The following GPR108 variants were observed in gnomAD, a reference collection of about 807,000 sequenced individuals.
The protein encoded by GPR108 is G protein-coupled receptor 108, also known as protein GPR108.
GPR108 carries 60 observed loss-of-function variants against 74.3 expected under a neutral mutation model. The ratio of observed to expected loss-of-function variants is 0.81; its 90% CI spans 0.66 to 1.00. GPR108 has a LOEUF of 1.00. Ranked by LOEUF, GPR108 falls within the 50% of genes least tolerant of loss-of-function variation. GPR108 has a pLI of 0.00. For missense variants in GPR108, 667 were observed against 703.3 expected, an observed-to-expected ratio of 0.95 and a Z score of 0.58; for synonymous variants, 311 against 292.4, an observed-to-expected ratio of 1.06 and a Z score of -0.65.
At chr19:6,730,557 G>C in intron 17 of GPR108, 173 bp from the exon 18 acceptor site, 1 of 622,186 alleles carries the variant, frequency 1.6e-6, no homozygotes, top group Non-Finnish European at 2.9e-6. Context: ...CAGCAGCGCA[G>C]GCCCTACCCT....
Position 6,731,880 on chromosome 19 carries a change from C to T in GPR108, c.1300+11G>A, listed in dbSNP as rs369951101. 91 of 1,611,538 alleles carry T rather than the reference C, an allele frequency of 5.6e-5. No homozygotes were observed. The African/African-American group carries it at 9.9e-4, about 17-fold the overall frequency. On this transcript the variant is annotated intron_variant, in intron 14 of 17. Transcript: ENST00000264080. ...GCCATGAGCAGAGGGCCTGCAGGCG[C>T]AGGGCCTCACCCTTCCCGTCTGTGC...
rs1968341670 is a variant in GPR108 at position 6,730,401 on chromosome 19, A to T, written c.1560-17T>A. 6.2e-7 allele frequency: 1 copy of T among 1,610,662 alleles called. No homozygotes were observed. Among genetic ancestry groups the T allele is most frequent in the Non-Finnish European group, 8.5e-7 (1 of 1,178,258 alleles). On this transcript the variant is annotated splice_polypyrimidine_tract_variant and intron_variant, in intron 17 of 17. Coordinates refer to ENST00000264080, the MANE Select transcript of GPR108 (RefSeq NM_001080452.2). The stretch of plus-strand genomic sequence containing the variant: ...TCCGTCATTCTGGGGGCAGACAGCG[A>T]GGAGGCGTCTAGCGTTGCAGGGCAG...
At chr19:6,731,674 G>A (rs1159533177) in intron 14 of GPR108, 152 bp from the exon 15 acceptor site, 15 of 832,868 alleles carry the variant, frequency 1.8e-5, no homozygotes, top group African/African-American at 3.5e-5. Flanking sequence ...GCAGAAAGGC[G>A]GAAGGGGGAG....
intron 4 of GPR108, among the ~76,000 whole-genome samples, chr19:6,734,687 G>A (rs935436661): frequency 2.6e-5 from 4 of 152,094 alleles, no homozygotes; most frequent in South Asian, 2.1e-4. Context: ...AACCACAGGC[G>A]CACACCATCA....
In GPR108 at chr19:6,732,009, G is replaced by A. The variant is rs762870777; in HGVS notation, c.1256+16C>T. ...GTGCACAGGGCAGAGCCTCAGCCCG[G>A]GGGCAGGGTCCTCACCAGACTACGG... On this transcript the variant is annotated intron_variant, in intron 13 of 17. Transcript: ENST00000264080. 6.2e-7 allele frequency: 1 copy of A among 1,613,588 alleles called. No homozygotes were observed. Among genetic ancestry groups the A allele is most frequent in the Non-Finnish European group, 8.5e-7 (1 of 1,179,954 alleles).
chr19:6,732,020 C>T lies in GPR108; in HGVS notation c.1256+5G>A. 6.2e-7 allele frequency: 1 copy of T among 1,613,844 alleles called. No individual in the cohort carries two copies. The stretch of plus-strand genomic sequence containing the variant: ...AGAGCCTCAGCCCGGGGGCAGGGTC[C>T]TCACCAGACTACGGGGAACAGGATG... On this transcript the variant is annotated splice_donor_5th_base_variant and intron_variant, in intron 13 of 17. Coordinates refer to ENST00000264080, the MANE Select transcript of GPR108 (RefSeq NM_001080452.2).
intron 4 of GPR108, 54 bp from the exon 5 acceptor site, chr19:6,734,361 C>A: frequency 6.3e-7 from 1 of 1,583,666 alleles, no homozygotes; most frequent in Admixed American, 1.7e-5. Flanking sequence ...TTGGCTCAGG[C>A]ACCGGCAAAG....
intron 4 of GPR108, 169 bp downstream of exon 4, chr19:6,735,453 G>A (rs1968595730): frequency 1.6e-6 from 1 of 621,514 alleles, no homozygotes; most frequent in Non-Finnish European, 2.9e-6. Flanking sequence ...CACCCGCGGA[G>A]TCCCTCTCTC....
chr19:6,733,236 G>A lies in GPR108; in HGVS notation c.789C>T (p.Leu263=), dbSNP rs1175663461. The part of the protein sequence containing the change: ...LSAAEMPLFK[L]YMVMSACFLA... ...GGAAGCAGGCGGACATGACCATGTA[G>A]AGCTTGAAAAGGGGCATCTCCGCTG... is the stretch of plus-strand genomic sequence containing the variant. Residue 263 remains leucine (L), a synonymous_variant, in exon 9 of 18, where the codon CTC becomes CTT. Coordinates refer to ENST00000264080, the MANE Select transcript of GPR108 (RefSeq NM_001080452.2). 6.2e-7 allele frequency: 1 copy of A among 1,614,028 alleles called. No homozygotes were observed. Among genetic ancestry groups the A allele is most frequent in the South Asian group, 1.1e-5 (1 of 91,090 alleles).
At position 6,732,161 on chromosome 19, in the gene GPR108, C is replaced by G. The variant is rs1968438551; in HGVS notation, c.1126-6G>C. 6.2e-7 allele frequency: 1 copy of G among 1,613,270 alleles called. No homozygotes were observed. The highest frequency in any genetic ancestry group is 1.3e-5 in the African/African-American group (1 of 74,938). ...TAGGCCACGTTGGCCAGGACCTGCG[C>G]AGGCGGCGGGGGTGGGTGGGCACTG... On this transcript the variant is annotated splice_region_variant and splice_polypyrimidine_tract_variant and intron_variant, in intron 12 of 17. Coordinates refer to ENST00000264080, the MANE Select transcript of GPR108 (RefSeq NM_001080452.2).
In GPR108 at chr19:6,732,027, G is replaced by A. The variant is rs1225894829; in HGVS notation, c.1254C>T (p.Val418=). 4 of 1,613,944 alleles carry A rather than the reference G, an allele frequency of 2.5e-6. No homozygotes were observed. The highest frequency in any genetic ancestry group is 2.2e-5 in the South Asian group (2 of 91,084). The change falls in exon 13 of 18, where the codon GTC becomes GTT. Residue 418 remains valine, a splice_region_variant and synonymous_variant. Coordinates refer to ENST00000264080, the MANE Select transcript of GPR108 (RefSeq NM_001080452.2). ...ICCGAILFPV[V]WSIRHLQDAS... ...CAGCCCGGGGGCAGGGTCCTCACCA[G>A]ACTACGGGGAACAGGATGGCACCAC...
intron 7 of GPR108, 54 bp downstream of exon 7, chr19:6,733,791 G>A: frequency 3.1e-6 from 5 of 1,598,954 alleles, no homozygotes; most frequent in Non-Finnish European, 3.4e-6. Flanking sequence ...GGCTCAGCTT[G>A]GGGGTCCCGT....
In GPR108 at chr19:6,733,917, A is replaced by C; in HGVS notation, c.550-4T>G. On this transcript the variant is annotated splice_polypyrimidine_tract_variant and splice_region_variant and intron_variant, in intron 6 of 17. Transcript: ENST00000264080. Reference sequence around the variant, plus strand: ...CCTTGTCCTTCCCACTAGGACCCTGAAGGGACAGAGCCCCTCCATCAGCTG... The same window carrying C: ...CCTTGTCCTTCCCACTAGGACCCTGCAGGGACAGAGCCCCTCCATCAGCTG... 6.2e-7 allele frequency: 1 copy of C among 1,614,128 alleles called. No individual in the cohort carries two copies. The highest frequency in any genetic ancestry group is 8.5e-7 in the Non-Finnish European group (1 of 1,179,970).
intron 14 of GPR108, 104 bp from the exon 15 acceptor site, chr19:6,731,626 G>T: frequency 9.9e-7 from 1 of 1,014,078 alleles, no homozygotes; most frequent in Non-Finnish European, 1.4e-6. Context: ...CTGAGGGAGT[G>T]TCCAGGAGCA....
At chr19:6,737,319 G>T (rs375364483) in intron 1 of GPR108, 138 bp downstream of exon 1, 1 of 1,138,358 alleles carries the variant, frequency 8.8e-7, no homozygotes, top group African/African-American at 1.7e-5. Flanking sequence ...AGACCACTCC[G>T]GGCCCGGAAA....
chr19:6,737,112 C>G (rs1436315882), intron 1 of GPR108: 1 of 391,314 alleles, frequency 2.6e-6, no homozygotes, highest in East Asian at 5.1e-5. Context: ...CTATAGCCCC[C>G]CAGGACCCCG....
At chr19:6,730,836 T>TGG in intron 17 of GPR108, 151 bp downstream of exon 17, 1 of 902,088 alleles carries the variant, frequency 1.1e-6, no homozygotes, top group Non-Finnish European at 1.6e-6. Context: ...GCCCCCCATC[T>TGG]CCCCTCCATC....
chr19:6,732,080 T>A lies in GPR108; in HGVS notation c.1201A>T (p.Ile401Phe). The A allele has an allele frequency of 2.5e-6, 4 of 1,613,550 alleles. No individual in the cohort carries two copies. The East Asian group carries it at 8.9e-5, about 36-fold the overall frequency. The change falls in exon 13 of 18, where the codon ATT becomes TTT. Residue 401 changes from isoleucine to phenylalanine, a missense_variant. Transcript: ENST00000264080. ...CAGATGAGGTCCACCAGGAACAAAATCTCCTTCCACAGCACGTAGTCGCTG... is the reference window on the plus strand; with the variant it reads ...CAGATGAGGTCCACCAGGAACAAAAACTCCTTCCACAGCACGTAGTCGCTG... ...GASDYVLWKEILFLVDLICCG... is the reference protein window; with the variant it reads ...GASDYVLWKEFLFLVDLICCG...
Position 6,736,716 on chromosome 19 carries a change from C to CGG in GPR108, c.121-7_121-6dup, listed in dbSNP as rs764510111. On this transcript the variant is annotated splice_region_variant and splice_polypyrimidine_tract_variant and intron_variant, in intron 1 of 17. Transcript: ENST00000264080. Reference sequence around the variant, plus strand: ...GATGTCCGCTCGCTTCTCCCCCTGCCGGAGACCAAGGAGGCAGAGGCAGTT... The same window carrying CGG: ...GATGTCCGCTCGCTTCTCCCCCTGCCGGGGAGACCAAGGAGGCAGAGGCAGTT... 1.2e-6 allele frequency: 2 copies of CGG among 1,614,026 alleles called. No individual in the cohort carries two copies. The highest frequency in any genetic ancestry group is 1.7e-6 in the Non-Finnish European group (2 of 1,179,980).
Sources: allele counts gnomAD v4.1 joint callset (sites outside exome capture counted in the v4.1 genomes callset), GRCh38; gene constraint gnomAD v4.1.1; transcripts MANE v1.5; gene names NCBI Gene and HGNC (gene_info 2026-07-23, HGNC 2026-07-21).